NEDD4L: variants seen among roughly 807,000 people sequenced by gnomAD.
The protein encoded by NEDD4L is NEDD4 like E3 ubiquitin protein ligase, also known as E3 ubiquitin-protein ligase NEDD4-like.
In NEDD4L, 54 loss-of-function variants were observed where a neutral mutation model predicts 148.9. The ratio of observed to expected loss-of-function variants is 0.36; its 90% CI spans 0.29 to 0.45. The LOEUF (loss-of-function observed/expected upper bound fraction) is 0.45. Among genes scored for constraint, NEDD4L ranks in the 20% least tolerant of loss-of-function variants. The probability of loss-of-function intolerance (pLI) is 1.00; values close to 1 mark genes in which losing one functional copy is unlikely to be tolerated. For missense variants in NEDD4L, 856 were observed against 1,233.8 expected (o/e 0.69, Z 4.59); for synonymous variants, 433 against 440.7 (o/e 0.98, Z 0.22).
chr18:58,175,292 T>C (rs1296098809), intron 2 of NEDD4L, among the ~76,000 whole-genome samples: 1 of 152,126 alleles, frequency 6.6e-6, no homozygotes, highest in Non-Finnish European at 1.5e-5. Flanking sequence ...ACTGCGCCTT[T>C]CTGGCCACTA....
chr18:58,269,768 A>C (rs1458818312), intron 5 of NEDD4L, among the ~76,000 whole-genome samples: 1 of 150,932 alleles, frequency 6.6e-6, no homozygotes, highest in Non-Finnish European at 1.5e-5. Flanking sequence ...GATTTAATGC[A>C]TTTTTTTTTC....
chr18:58,088,195 G>A (rs370001862), intron 1 of NEDD4L, among the ~76,000 whole-genome samples: 166 of 152,352 alleles, frequency 1.1e-3, no homozygotes, highest in African/African-American at 3.1e-3. Flanking sequence ...GGGGAAAGCT[G>A]CAGTGTCATT....
At chr18:58,130,854 G>A (rs1369218096) in intron 1 of NEDD4L, among the ~76,000 whole-genome samples, 2 of 148,212 alleles carry the variant, frequency 1.3e-5, no homozygotes, top group East Asian at 2.0e-4. Flanking sequence ...TTGGTTGGTT[G>A]TGATCTAGTG....
chr18:58,387,325 T>C (rs1258678250), intron 26 of NEDD4L, 114 bp from the exon 27 acceptor site: 7 of 1,177,130 alleles, frequency 5.9e-6, no homozygotes, highest in Non-Finnish European at 8.1e-6. Flanking sequence ...GACATAGGAA[T>C]CATCAGGAGA....
At chr18:58,355,309 T>C (rs1208583315) in intron 18 of NEDD4L, among the ~76,000 whole-genome samples, 26 of 152,150 alleles carry the variant, frequency 1.7e-4, no homozygotes, top group Non-Finnish European at 4.4e-5. Context: ...AGGTTCCTGA[T>C]TGGGACAGTG....
chr18:58,313,211 A>C (rs2057897013), intron 5 of NEDD4L, among the ~76,000 whole-genome samples: 4 of 152,206 alleles, frequency 2.6e-5, no homozygotes. Flanking sequence ...ATGTAAACTA[A>C]TAAGAGCCTT....
chr18:58,146,955 A>C (rs540604874), intron 1 of NEDD4L, among the ~76,000 whole-genome samples: 1 of 152,318 alleles, frequency 6.6e-6, no homozygotes, highest in South Asian at 2.1e-4. Flanking sequence ...ACTGACGAGA[A>C]GGACACGTGG....
intron 16 of NEDD4L, among the ~76,000 whole-genome samples, chr18:58,347,903 C>T (rs1236221092): frequency 6.6e-6 from 1 of 151,954 alleles, no homozygotes; most frequent in South Asian, 2.1e-4. Flanking sequence ...TTGAATGAAG[C>T]TGATATCAAA....
At chr18:58,076,272 G>A (rs1039633399) in intron 1 of NEDD4L, among the ~76,000 whole-genome samples, 1 of 152,316 alleles carries the variant, frequency 6.6e-6, no homozygotes, top group African/African-American at 2.4e-5. Context: ...AAACTAATCT[G>A]GGGAGGCAGA....
At chr18:58,083,470 G>A (rs970393718) in intron 1 of NEDD4L, among the ~76,000 whole-genome samples, 1 of 152,120 alleles carries the variant, frequency 6.6e-6, no homozygotes, top group South Asian at 2.1e-4. Flanking sequence ...GGTGGATCAC[G>A]AGGTCAGGAG....
chr18:58,269,786 C>T (rs1045504213), intron 5 of NEDD4L, among the ~76,000 whole-genome samples: 2 of 151,936 alleles, frequency 1.3e-5, no homozygotes, highest in African/African-American at 4.8e-5. Context: ...TTCTCACCCA[C>T]TTTTCCTTCA....
intron 23 of NEDD4L, among the ~76,000 whole-genome samples, chr18:58,370,706 C>G (rs1165446874): frequency 6.6e-6 from 1 of 152,214 alleles, no homozygotes; most frequent in Non-Finnish European, 1.5e-5. Context: ...GTTGCCTCTG[C>G]TTACCCGGCA....
intron 5 of NEDD4L, among the ~76,000 whole-genome samples, chr18:58,306,630 C>CTTCT (rs543848345): frequency 6.9e-4 from 101 of 146,744 alleles, no homozygotes; most frequent in Admixed American, 2.8e-3. Flanking sequence ...TTTCTTTCTT[C>CTTCT]TTTTTTTTTT....
At chr18:58,133,240 G>A (rs191269629) in intron 1 of NEDD4L, among the ~76,000 whole-genome samples, 3 of 152,262 alleles carry the variant, frequency 2.0e-5, no homozygotes, top group African/African-American at 2.4e-5. Flanking sequence ...ACATTTTGAC[G>A]TTTTTGAGGA....
intron 5 of NEDD4L, among the ~76,000 whole-genome samples, chr18:58,311,242 G>A (rs1201254154): frequency 6.6e-6 from 1 of 152,182 alleles, no homozygotes; most frequent in African/African-American, 2.4e-5. Flanking sequence ...GTGAGGCACT[G>A]ATATTTTCTG....
At chr18:58,288,691 G>A (rs2054269056) in intron 5 of NEDD4L, among the ~76,000 whole-genome samples, 1 of 152,174 alleles carries the variant, frequency 6.6e-6, no homozygotes. Context: ...TGCCATTGAG[G>A]TCTGTTGCCT....
chr18:58,049,434 C>A (rs571725026), intron 1 of NEDD4L, among the ~76,000 whole-genome samples: 1 of 152,270 alleles, frequency 6.6e-6, no homozygotes, highest in East Asian at 1.9e-4. Context: ...AGATTGCTTT[C>A]AAAAATTGTG....
chr18:58,307,826 A>G (rs1254370777), intron 5 of NEDD4L, among the ~76,000 whole-genome samples: 1 of 152,130 alleles, frequency 6.6e-6, no homozygotes, highest in Non-Finnish European at 1.5e-5. Context: ...TTGACACTGC[A>G]TGGTTACCAA....
chr18:58,050,665 G>A (rs967512178), intron 1 of NEDD4L, among the ~76,000 whole-genome samples: 14 of 150,536 alleles, frequency 9.3e-5, no homozygotes, highest in Non-Finnish European at 1.6e-4. Context: ...GGAGGCTGAG[G>A]CAGGAGAATT....
Sources: allele counts gnomAD v4.1 joint callset (sites outside exome capture counted in the v4.1 genomes callset), GRCh38; gene constraint gnomAD v4.1.1; transcripts MANE v1.5; gene names NCBI Gene and HGNC (gene_info 2026-07-23, HGNC 2026-07-21).